Variants in SLIT2 observed in about 807,000 individuals in gnomAD.
SLIT2 encodes slit homolog 2 protein.
Under a neutral mutation model 185.7 loss-of-function variants are expected in SLIT2, and 41 were observed. The observed-to-expected ratio is 0.22, with a 90% CI of 0.17 to 0.29. The LOEUF (loss-of-function observed/expected upper bound fraction) is 0.29. Ranked by LOEUF, SLIT2 falls within the 10% of genes least tolerant of loss-of-function variation. The pLI is 1.00. For missense variants in SLIT2, 1,571 were observed against 1,909.0 expected (o/e 0.82, Z 3.30); for synonymous variants, 693 against 680.2 (o/e 1.02, Z -0.29).
At chr4:20,325,054 C>T (rs1719444132) in intron 4 of SLIT2, among the ~76,000 whole-genome samples, 1 of 152,000 alleles carries the variant, frequency 6.6e-6, no homozygotes, top group African/African-American at 2.4e-5. Flanking sequence ...CCTTCTCTCC[C>T]TTTCCTTTTT....
At chr4:20,530,820 T>C (rs767191760) in intron 16 of SLIT2, among the ~76,000 whole-genome samples, 1 of 152,026 alleles carries the variant, frequency 6.6e-6, no homozygotes, top group Non-Finnish European at 1.5e-5. Flanking sequence ...TAATGAATGG[T>C]TAAATTATTC....
chr4:20,393,016 A>C lies in SLIT2; in HGVS notation c.396-74736A>C, dbSNP rs570294436. ...ACATAATATTAGGTGCTAGATTTTT[A>C]TATCACTGGTGGCACAGTAGGTTTG... On this transcript the variant is annotated intron_variant, in intron 4 of 36. Transcript: ENST00000504154. 3.9e-5 allele frequency among the ~76,000 whole-genome samples: 6 copies of C among 152,226 alleles called. No homozygotes were observed. The South Asian group carries it at 1.2e-3, about 32-fold the overall frequency.
At chr4:20,540,116 T>G (rs1187207337) in intron 19 of SLIT2, among the ~76,000 whole-genome samples, 1 of 151,748 alleles carries the variant, frequency 6.6e-6, no homozygotes, top group Non-Finnish European at 1.5e-5. Context: ...AATCCCTGTG[T>G]TTACTAAAAA....
intron 4 of SLIT2, among the ~76,000 whole-genome samples, chr4:20,334,759 AT>A (rs1448744954): frequency 6.6e-6 from 1 of 152,170 alleles, no homozygotes; most frequent in East Asian, 1.9e-4. Flanking sequence ...CTGGGTTTGA[AT>A]CCTTGTTACA....
At chr4:20,454,603 A>G (rs978708881) in intron 4 of SLIT2, among the ~76,000 whole-genome samples, 3 of 152,176 alleles carry the variant, frequency 2.0e-5, no homozygotes, top group African/African-American at 7.2e-5. Context: ...AAGAGAGGTT[A>G]AACCATGAAG....
At chr4:20,499,513 AGAGTCTCGCTCT>A (rs1445894051) in intron 9 of SLIT2, among the ~76,000 whole-genome samples, 1 of 152,084 alleles carries the variant, frequency 6.6e-6, no homozygotes, top group Non-Finnish European at 1.5e-5. Context: ...TTTTTGAGAC[AGAGTCTCGCTCT>A]GTCATCCAGG....
At chr4:20,352,234 C>T (rs370754064) in intron 4 of SLIT2, among the ~76,000 whole-genome samples, 77 of 152,228 alleles carry the variant, frequency 5.1e-4, no homozygotes, top group African/African-American at 1.8e-3. Flanking sequence ...CAATGCATAA[C>T]GCTATTCATC....
At chr4:20,321,461 A>G (rs1306632583) in intron 4 of SLIT2, among the ~76,000 whole-genome samples, 1 of 152,224 alleles carries the variant, frequency 6.6e-6, no homozygotes, top group Admixed American at 6.5e-5. Context: ...AGAAGGAGCC[A>G]TAAAATTCAA....
intron 4 of SLIT2, among the ~76,000 whole-genome samples, chr4:20,297,112 A>G (rs1318347494): frequency 1.3e-5 from 2 of 152,148 alleles, no homozygotes; most frequent in African/African-American, 4.8e-5. Flanking sequence ...CTTAATTCGT[A>G]TGCATTTCTT....
chr4:20,356,746 G>T (rs1193851140), intron 4 of SLIT2, among the ~76,000 whole-genome samples: 1 of 152,084 alleles, frequency 6.6e-6, no homozygotes, highest in East Asian at 1.9e-4. Context: ...CATTGTTTCA[G>T]TTGCCTGTGG....
intron 4 of SLIT2, among the ~76,000 whole-genome samples, chr4:20,461,058 G>A (rs1201484936): frequency 6.6e-6 from 1 of 152,132 alleles, no homozygotes; most frequent in Admixed American, 6.6e-5. Flanking sequence ...GGAGAGAGAG[G>A]CTTAGTACTT....
chr4:20,586,676 C>T (rs1219764344), intron 29 of SLIT2, among the ~76,000 whole-genome samples: 1 of 151,986 alleles, frequency 6.6e-6, no homozygotes, highest in East Asian at 1.9e-4. Context: ...AGTACATAAA[C>T]AAATATATAC....
chr4:20,457,802 A>C lies in SLIT2; in HGVS notation c.396-9950A>C, dbSNP rs1713244122. Among the ~76,000 whole-genome samples, 2 of 152,162 alleles carry C rather than the reference A, an allele frequency of 1.3e-5. 1 individual carries two copies. The highest frequency in any genetic ancestry group is 4.1e-4 in the South Asian group (2 of 4,828). ...ATAATTCTTGAAGTGAGCTAAATTG[A>C]ATGAATGGAAGTGCAGAAAGTAAGA... is the stretch of plus-strand genomic sequence containing the variant. On this transcript the variant is annotated intron_variant, in intron 4 of 36. Coordinates refer to ENST00000504154, the MANE Select transcript of SLIT2 (RefSeq NM_004787.4).
intron 4 of SLIT2, among the ~76,000 whole-genome samples, chr4:20,382,888 A>AT (rs1161148040): frequency 1.3e-5 from 2 of 152,174 alleles, no homozygotes; most frequent in East Asian, 3.9e-4. Context: ...TACAAAACTG[A>AT]TTTTAAGACT....
At chr4:20,304,003 T>G (rs986765729) in intron 4 of SLIT2, among the ~76,000 whole-genome samples, 5 of 152,186 alleles carry the variant, frequency 3.3e-5, no homozygotes, top group Admixed American at 6.5e-5. Flanking sequence ...ATTTAAGCAA[T>G]GTTGAGACAT....
intron 4 of SLIT2, among the ~76,000 whole-genome samples, chr4:20,288,743 G>A (rs375809208): frequency 6.6e-6 from 1 of 152,180 alleles, no homozygotes; most frequent in Non-Finnish European, 1.5e-5. Context: ...GGTAGGTCAA[G>A]CCATAGCTTT....
At chr4:20,609,884 G>T (rs572609524) in intron 33 of SLIT2, 129 bp from the exon 34 acceptor site, 12 of 768,984 alleles carry the variant, frequency 1.6e-5, no homozygotes, top group African/African-American at 3.6e-5. Flanking sequence ...TCAACTACTC[G>T]TCTTTATCTT....
chr4:20,362,983 G>A, intron 4 of SLIT2, among the ~76,000 whole-genome samples: 1 of 151,876 alleles, frequency 6.6e-6, no homozygotes. Context: ...GACTGGGTCT[G>A]TAGGTTCAGT....
At position 20,431,348 on chromosome 4, in the gene SLIT2, G is replaced by C. The variant is rs1048215809; in HGVS notation, c.396-36404G>C. Among the ~76,000 whole-genome samples, 6 of 152,174 alleles carry C rather than the reference G, an allele frequency of 3.9e-5. No individual in the cohort carries two copies. In the South Asian group the frequency reaches 1.2e-3, roughly 32 times the overall value. On this transcript the variant is annotated intron_variant, in intron 4 of 36. Coordinates refer to ENST00000504154, the MANE Select transcript of SLIT2 (RefSeq NM_004787.4). ...GAAAATTAGATGCTAGGAGGTAACA[G>C]TGTGCCTCTATATTTAAAGTAAATA... is the stretch of plus-strand genomic sequence containing the variant.
Sources: allele counts gnomAD v4.1 joint callset (sites outside exome capture counted in the v4.1 genomes callset), GRCh38; gene constraint gnomAD v4.1.1; transcripts MANE v1.5; gene names NCBI Gene and HGNC (gene_info 2026-07-23, HGNC 2026-07-21).